The following AGAP1 variants were observed in gnomAD, a reference collection of about 807,000 sequenced individuals.
AGAP1 encodes the protein arf-GAP with GTPase, ANK repeat and PH domain-containing protein 1.
AGAP1 carries 29 observed loss-of-function variants against 105.3 expected under a neutral mutation model. The observed-to-expected ratio is 0.28, with a 90% CI of 0.21 to 0.38. The LOEUF (loss-of-function observed/expected upper bound fraction) is 0.38. Ranked by LOEUF, AGAP1 falls within the 10% of genes least tolerant of loss-of-function variation. The probability of loss-of-function intolerance (pLI) is 1.00; values close to 1 mark genes in which losing one functional copy is unlikely to be tolerated. For synonymous variants in AGAP1, 509 were observed against 485.9 expected (o/e 1.05, Z -0.63); for missense variants, 998 against 1,165.1 (o/e 0.86, Z 2.09).
At position 235,612,026 on chromosome 2, in the gene AGAP1, T is replaced by A. The variant is rs1946142461; in HGVS notation, c.164-97153T>A. On this transcript the variant is annotated intron_variant, in intron 1 of 17. Transcript: ENST00000304032. This position sits in a 1 kb window ranked among gnomAD's most constrained non-coding sequence, Gnocchi z 4.3. ...CCATCAATACTGATGTTAATAATTA[T>A]GTAAAATCATTCCTGTCCGCAGCCT... 6.6e-6 allele frequency among the ~76,000 whole-genome samples: 1 copy of A among 152,228 alleles called. No individual in the cohort carries two copies. Among genetic ancestry groups the A allele is most frequent in the South Asian group, 2.1e-4 (1 of 4,824 alleles).
At chr2:235,647,735 A>G (rs1461987512) in intron 1 of AGAP1, among the ~76,000 whole-genome samples, 2 of 152,102 alleles carry the variant, frequency 1.3e-5, no homozygotes, top group Non-Finnish European at 2.9e-5. Context: ...AGTGTTGACA[A>G]TATAGGTTTT....
rs549966774 is a variant in AGAP1 at position 236,045,852 on chromosome 2, C to T, written c.1892-3207C>T. 15 of 433,708 alleles carry T rather than the reference C, an allele frequency of 3.5e-5. No individual in the cohort carries two copies. Among genetic ancestry groups the T allele is most frequent in the African/African-American group, 2.0e-4 (10 of 49,798 alleles). 26.9% of individuals were successfully genotyped at this position (433,708 alleles called of 1,614,324 possible). On this transcript the variant is annotated intron_variant, in intron 15 of 17. Coordinates refer to ENST00000304032, the MANE Select transcript of AGAP1 (RefSeq NM_001037131.3). This position sits in a 1 kb window ranked among gnomAD's most constrained non-coding sequence, Gnocchi z 6.9. The stretch of plus-strand genomic sequence containing the variant: ...GAGGCAAGGTTCTCCCCTCAGTCAG[C>T]CCCAGCCTTACCTGTCTCTAAGCAG...
intron 6 of AGAP1, among the ~76,000 whole-genome samples, chr2:235,797,088 C>G (rs540988244): frequency 6.6e-6 from 1 of 152,014 alleles, no homozygotes; most frequent in African/African-American, 2.4e-5. Flanking sequence ...ATATAATTCT[C>G]TATGATAGCT....
rs1217487711 is a variant in AGAP1, at chr2:235,959,120, C to T, written c.1484-9342C>T. ...TGAGGCGCTCGCTTTTTTAATTTGG[C>T]ATGGCTTTTTTCTCTTAGCCTCTCC... On this transcript the variant is annotated intron_variant, in intron 12 of 17. Coordinates refer to ENST00000304032, the MANE Select transcript of AGAP1 (RefSeq NM_001037131.3). This position sits in a 1 kb window ranked among gnomAD's most constrained non-coding sequence, Gnocchi z 7.3. Among the ~76,000 whole-genome samples the T allele has an allele frequency of 2.0e-5, 3 of 152,194 alleles. No individual in the cohort carries two copies. The highest frequency in any genetic ancestry group is 7.2e-5 in the African/African-American group (3 of 41,454).
rs1950980499 is a variant in AGAP1, at chr2:235,714,139, G to A, written c.223-3418G>A. Among the ~76,000 whole-genome samples, 1 of 152,048 alleles carries A rather than the reference G, an allele frequency of 6.6e-6. No individual in the cohort carries two copies. The highest frequency in any genetic ancestry group is 2.1e-4 in the South Asian group (1 of 4,818). On this transcript the variant is annotated intron_variant, in intron 2 of 17. Transcript: ENST00000304032. This position sits in a 1 kb window ranked among gnomAD's most constrained non-coding sequence, Gnocchi z 4.1. ...AGTGATTCTCCTGCCTCAGCCTCCT[G>A]AGTAGCTGGGATTACAGGCATGCAC...
intron 1 of AGAP1, among the ~76,000 whole-genome samples, chr2:235,498,421 G>A (rs1052603493): frequency 3.9e-5 from 6 of 152,140 alleles, no homozygotes; most frequent in South Asian, 2.1e-4. Context: ...GTGAAATGTA[G>A]CCACACAGCT....
Position 236,046,219 on chromosome 2 carries a change from C to T in AGAP1, c.1892-2840C>T, listed in dbSNP as rs1166903796. Among the ~76,000 whole-genome samples the T allele has an allele frequency of 6.6e-6, 1 of 152,142 alleles. No homozygotes were observed. The highest frequency in any genetic ancestry group is 1.5e-5 in the Non-Finnish European group (1 of 68,028). On this transcript the variant is annotated intron_variant, in intron 15 of 17. Transcript: ENST00000304032. This position sits in a 1 kb window ranked among gnomAD's most constrained non-coding sequence, Gnocchi z 5.2. ...AGACAGTGTGTCAGAGCACTCCCCACAGCACTCGGTGATGGGCTGGATGCT... is the reference window on the plus strand; with the variant it reads ...AGACAGTGTGTCAGAGCACTCCCCATAGCACTCGGTGATGGGCTGGATGCT...
Position 235,494,608 on chromosome 2 carries a change from G to A in AGAP1, c.-79G>A. 2 of 751,606 alleles carry A rather than the reference G, an allele frequency of 2.7e-6. No individual in the cohort carries two copies. Among genetic ancestry groups the A allele is most frequent in the Non-Finnish European group, 3.2e-6 (2 of 623,586 alleles). 46.6% of individuals were successfully genotyped at this position (751,606 alleles called of 1,614,324 possible). On this transcript the variant is annotated 5_prime_UTR_variant, in exon 1 of 18. Coordinates refer to ENST00000304032, the MANE Select transcript of AGAP1 (RefSeq NM_001037131.3). Reference sequence around the variant, plus strand: ...GGCTCCCCGGGGGCTGCGGCGCCCCGGGCTCGGCGGCCCGCGGGCCCCGGG... The same window carrying A: ...GGCTCCCCGGGGGCTGCGGCGCCCCAGGCTCGGCGGCCCGCGGGCCCCGGG...
chr2:236,067,615 A>G (rs1421558356), intron 16 of AGAP1, among the ~76,000 whole-genome samples: 1 of 152,192 alleles, frequency 6.6e-6, no homozygotes. Context: ...AAGTAGTGTG[A>G]AATAATCTAT....
chr2:235,697,346 G>T (rs1342830750), intron 1 of AGAP1, among the ~76,000 whole-genome samples: 2 of 152,226 alleles, frequency 1.3e-5, no homozygotes, highest in African/African-American at 4.8e-5. Flanking sequence ...CTTGTTAGCT[G>T]TGTTGGGTGT....
At chr2:235,526,471 CTG>C (rs1383406441) in intron 1 of AGAP1, among the ~76,000 whole-genome samples, 3 of 152,182 alleles carry the variant, frequency 2.0e-5, no homozygotes, top group African/African-American at 7.2e-5. Flanking sequence ...TACTTGGAGA[CTG>C]TGAATTAGAT....
rs373154554 is a variant in AGAP1, at chr2:235,633,240, G to A, written c.164-75939G>A. 3.2e-4 allele frequency among the ~76,000 whole-genome samples: 49 copies of A among 152,270 alleles called. No individual in the cohort carries two copies. Among genetic ancestry groups the A allele is most frequent in the African/African-American group, 1.1e-3 (46 of 41,544 alleles). On this transcript the variant is annotated intron_variant, in intron 1 of 17. Transcript: ENST00000304032. The surrounding 1 kb of genome is among the most constrained non-coding windows in gnomAD (Gnocchi z 4.8). ...AAGACCCGAAGATTCAGGGGAGGTCGTCTGTGTGCCTTGGTTCCATGACTT... is the reference window on the plus strand; with the variant it reads ...AAGACCCGAAGATTCAGGGGAGGTCATCTGTGTGCCTTGGTTCCATGACTT...
intron 9 of AGAP1, among the ~76,000 whole-genome samples, chr2:235,841,401 A>G (rs1380773961): frequency 6.6e-6 from 1 of 152,120 alleles, no homozygotes; most frequent in African/African-American, 2.4e-5. Flanking sequence ...GGCCAAGGCG[A>G]GTGGATCCCT....
intron 1 of AGAP1, among the ~76,000 whole-genome samples, chr2:235,679,399 G>A (rs963344420): frequency 2.6e-5 from 4 of 152,126 alleles, no homozygotes; most frequent in African/African-American, 4.8e-5. Flanking sequence ...CTTATATCCC[G>A]AAGCTCCAAG....
In AGAP1 at chr2:235,913,879, G is replaced by T. The variant is rs141719569; in HGVS notation, c.1324+4973G>T. ...TAAGCTATGAATTGTGGAGGAAGTG[G>T]CATCTTTACTGTGTGGAGTTCCTTA... On this transcript the variant is annotated intron_variant, in intron 11 of 17. Transcript: ENST00000304032. Among the ~76,000 whole-genome samples, 65 of 152,250 alleles carry T rather than the reference G, an allele frequency of 4.3e-4. 1 individual carries two copies. Among genetic ancestry groups the T allele is most frequent in the African/African-American group, 1.4e-3 (58 of 41,552 alleles).
In AGAP1 at chr2:236,062,849, A is replaced by T. The variant is rs1009605731; in HGVS notation, c.2114+13568A>T. Among the ~76,000 whole-genome samples, 1 of 151,958 alleles carries T rather than the reference A, an allele frequency of 6.6e-6. No individual in the cohort carries two copies. The highest frequency in any genetic ancestry group is 2.4e-5 in the African/African-American group (1 of 41,360). On this transcript the variant is annotated intron_variant, in intron 16 of 17. Coordinates refer to ENST00000304032, the MANE Select transcript of AGAP1 (RefSeq NM_001037131.3). The surrounding 1 kb of genome is among the most constrained non-coding windows in gnomAD (Gnocchi z 4.2). ...GCTAATGTTTGTATTTTTAGTAGAGATGGGGTTTCACCATCTTGGCCAGGC... is the reference window on the plus strand; with the variant it reads ...GCTAATGTTTGTATTTTTAGTAGAGTTGGGGTTTCACCATCTTGGCCAGGC...
intron 1 of AGAP1, among the ~76,000 whole-genome samples, chr2:235,598,234 C>G (rs1457533171): frequency 6.6e-6 from 1 of 152,180 alleles, no homozygotes; most frequent in Non-Finnish European, 1.5e-5. Flanking sequence ...AGTGGCCCCG[C>G]GATGGAACAG....
intron 1 of AGAP1, among the ~76,000 whole-genome samples, chr2:235,570,983 C>T (rs562276987): frequency 1.3e-5 from 2 of 152,298 alleles, no homozygotes; most frequent in African/African-American, 4.8e-5. Context: ...AAGCGTGGCA[C>T]CATTTGCTCA....
At chr2:235,823,191 GTTA>G (rs143068899) in intron 9 of AGAP1, among the ~76,000 whole-genome samples, 3,760 of 152,136 alleles carry the variant, frequency 0.025, 168 homozygotes, top group African/African-American at 0.086. Flanking sequence ...ATATTAACAT[GTTA>G]TTATGATATG....
Sources: allele counts gnomAD v4.1 joint callset (sites outside exome capture counted in the v4.1 genomes callset), GRCh38; gene constraint gnomAD v4.1.1; non-coding constraint Gnocchi (gnomAD v3.1); transcripts MANE v1.5; gene names NCBI Gene and HGNC (gene_info 2026-07-23, HGNC 2026-07-21).